The following PIK3R4 variants were observed in gnomAD, a reference collection of about 807,000 sequenced individuals.
The protein encoded by PIK3R4 is phosphoinositide-3-kinase regulatory subunit 4, also known as phosphoinositide 3-kinase regulatory subunit 4.
PIK3R4 carries 46 observed loss-of-function variants against 136.5 expected under a neutral mutation model. The ratio of observed to expected loss-of-function variants is 0.34; its 90% confidence interval spans 0.27 to 0.43. The LOEUF is 0.43. Ranked by LOEUF, PIK3R4 falls within the 20% of genes least tolerant of loss-of-function variation. The pLI is 1.00. For missense variants in PIK3R4, 1,331 were observed against 1,649.5 expected (o/e 0.81, Z 3.35); for synonymous variants, 557 against 566.7 (o/e 0.98, Z 0.24).
At position 130,686,291 on chromosome 3, in the gene PIK3R4, G is replaced by A. The variant is rs560895450; in HGVS notation, c.3395C>T (p.Ala1132Val). The A allele has an allele frequency of 1.5e-4, 236 of 1,613,288 alleles. 5 individuals are homozygous for A. The South Asian group carries it at 2.5e-3, about 17-fold the overall frequency. Residue 1132 changes from alanine (A) to valine (V), a missense_variant, in exon 15 of 20, where the codon GCG becomes GTG. Physicochemically the swap from Ala to Val is moderately conservative, Grantham distance 64 (BLOSUM62 0). Transcript: ENST00000356763. ...VGWDLRSSSN[A>V]WTLKHDLKSG... is the part of the protein sequence containing the mutation. ...CTTTAAATCATGCTTTAAAGTCCACGCATTGCTTGAAGACCTAAGGTCCCA... is the reference window on the plus strand; with the variant it reads ...CTTTAAATCATGCTTTAAAGTCCACACATTGCTTGAAGACCTAAGGTCCCA...
intron 9 of PIK3R4, among the ~76,000 whole-genome samples, chr3:130,713,097 T>C (rs905347058): frequency 2.6e-5 from 4 of 152,196 alleles, no homozygotes; most frequent in Non-Finnish European, 4.4e-5. Context: ...TTAAGGATAG[T>C]CAAAAATATG....
At chr3:130,716,240 A>G (rs1023400964) in intron 9 of PIK3R4, among the ~76,000 whole-genome samples, 156 bp downstream of exon 9, 2 of 152,242 alleles carry the variant, frequency 1.3e-5, no homozygotes, top group African/African-American at 4.8e-5. Context: ...TTTGTTTAGG[A>G]ATCAAAAGCA....
chr3:130,730,436 A>G lies in PIK3R4; in HGVS notation c.1457T>C (p.Ile486Thr). ...CAGAGCTGTTTCTGCCAGCAGAGCTATGTTTTCTATAAAATAAAAAGGAAG... is the reference window on the plus strand; with the variant it reads ...CAGAGCTGTTTCTGCCAGCAGAGCTGTGTTTTCTATAAAATAAAAAGGAAG... ...TIVRLAYAEN[I>T]ALLAETALRF... Residue 486 changes from isoleucine (I) to threonine (T), a missense_variant, in exon 5 of 20, where the codon ATA (isoleucine) becomes ACA (threonine). Physicochemically the swap from Ile to Thr is moderately conservative, Grantham distance 89. This residue lies in a region of PIK3R4 where 1,180 missense variants were observed against 1,407.0 expected (regional missense o/e 0.84). Coordinates refer to ENST00000356763, the MANE Select transcript of PIK3R4 (RefSeq NM_014602.3). The G allele has an allele frequency of 6.4e-7, 1 of 1,565,236 alleles. No homozygotes were observed. Among genetic ancestry groups the G allele is most frequent in the Non-Finnish European group, 8.6e-7 (1 of 1,163,364 alleles).
intron 13 of PIK3R4, among the ~76,000 whole-genome samples, chr3:130,697,878 T>A (rs960332566): frequency 6.6e-6 from 1 of 152,240 alleles, no homozygotes; most frequent in Admixed American, 6.5e-5. Context: ...CATTTCAGCA[T>A]AAAGGACTCC....
At chr3:130,740,431 T>C (rs2066815638) in intron 2 of PIK3R4, among the ~76,000 whole-genome samples, 1 of 152,114 alleles carries the variant, frequency 6.6e-6, no homozygotes, top group African/African-American at 2.4e-5. Flanking sequence ...TAACAGACTA[T>C]ACCTCATCTT....
chr3:130,735,018 T>C (rs72998249), intron 3 of PIK3R4, among the ~76,000 whole-genome samples: 2,331 of 152,308 alleles, frequency 0.015, 85 homozygotes, highest in African/African-American at 0.052. Context: ...TCAGAAAATG[T>C]ATGCCCAAAG....
intron 13 of PIK3R4, among the ~76,000 whole-genome samples, chr3:130,702,899 A>AT (rs1057426584): frequency 2.4e-4 from 36 of 152,236 alleles, no homozygotes; most frequent in African/African-American, 8.7e-4. Flanking sequence ...CCATTCTATA[A>AT]TTTTTTTACT....
intron 9 of PIK3R4, among the ~76,000 whole-genome samples, chr3:130,714,638 C>T (rs943127265): frequency 6.9e-6 from 1 of 145,938 alleles, no homozygotes; most frequent in African/African-American, 2.5e-5. Flanking sequence ...TGGTTTGTGT[C>T]GTTTCCCCCT....
At chr3:130,736,566 AGAGT>A (rs923887838) in intron 2 of PIK3R4, among the ~76,000 whole-genome samples, 1 of 152,186 alleles carries the variant, frequency 6.6e-6, no homozygotes, top group African/African-American at 2.4e-5. Context: ...CCTGGATGAC[AGAGT>A]GAGACTCCAT....
At position 130,700,321 on chromosome 3, in the gene PIK3R4, G is replaced by A. The variant is rs531250151; in HGVS notation, c.3098+3402C>T. ...TCATATTGTTTTAAGTTTTCACTGTGATAGAACTCCATTTAGATATTTTAC... is the reference window on the plus strand; with the variant it reads ...TCATATTGTTTTAAGTTTTCACTGTAATAGAACTCCATTTAGATATTTTAC... On this transcript the variant is annotated intron_variant, in intron 13 of 19. Transcript: ENST00000356763. 4.6e-5 allele frequency among the ~76,000 whole-genome samples: 7 copies of A among 152,238 alleles called. No individual in the cohort carries two copies. In the South Asian group the frequency reaches 8.3e-4, roughly 18 times the overall value.
intron 13 of PIK3R4, among the ~76,000 whole-genome samples, chr3:130,697,067 T>TC (rs996106285): frequency 4.9e-5 from 4 of 82,270 alleles, no homozygotes; most frequent in Non-Finnish European, 9.8e-5. Flanking sequence ...CTCCAGCTTT[T>TC]TTTTTTTTTT....
chr3:130,681,598 G>A lies in PIK3R4; in HGVS notation c.3608-7C>T, dbSNP rs1339797165. 1 of 1,548,120 alleles carries A rather than the reference G, an allele frequency of 6.5e-7. No homozygotes were observed. The highest frequency in any genetic ancestry group is 1.1e-5 in the South Asian group (1 of 88,908). On this transcript the variant is annotated splice_region_variant and splice_polypyrimidine_tract_variant and intron_variant, in intron 16 of 19. Coordinates refer to ENST00000356763, the MANE Select transcript of PIK3R4 (RefSeq NM_014602.3). ...TCGTTGTTGCCCTGAACAGCTAAAG[G>A]AAACAAAGGCCAGAATCTTGACTCA...
chr3:130,719,726 G>A (rs1010085257), intron 7 of PIK3R4, among the ~76,000 whole-genome samples: 2 of 152,102 alleles, frequency 1.3e-5, no homozygotes, highest in African/African-American at 4.8e-5. Flanking sequence ...TAACTTCCCT[G>A]TATCACACAA....
At chr3:130,730,270 C>A (rs192027116) in intron 5 of PIK3R4, 38 bp downstream of exon 5, 313 of 1,536,890 alleles carry the variant, frequency 2.0e-4, no homozygotes, top group Admixed American at 8.8e-4. Flanking sequence ...GCAATTCATT[C>A]TAAATAACAG....
chr3:130,712,512 T>C (rs1214869371), intron 9 of PIK3R4, among the ~76,000 whole-genome samples: 2 of 151,714 alleles, frequency 1.3e-5, no homozygotes, highest in Non-Finnish European at 2.9e-5. Context: ...CTACTAAAAA[T>C]ACAAAAGTAG....
intron 12 of PIK3R4, among the ~76,000 whole-genome samples, chr3:130,704,165 GA>G (rs1217143745): frequency 6.6e-6 from 1 of 152,124 alleles, no homozygotes; most frequent in Non-Finnish European, 1.5e-5. Flanking sequence ...GCAGTTACCT[GA>G]AAATGAAGGC....
intron 4 of PIK3R4, among the ~76,000 whole-genome samples, chr3:130,732,824 A>G (rs1158849032): frequency 6.6e-6 from 1 of 151,702 alleles, no homozygotes; most frequent in Non-Finnish European, 1.5e-5. Flanking sequence ...TCATTACCAC[A>G]CACGTACTAT....
intron 1 of PIK3R4, among the ~76,000 whole-genome samples, chr3:130,745,759 C>G (rs773507774): frequency 2.0e-5 from 3 of 152,190 alleles, no homozygotes; most frequent in Non-Finnish European, 4.4e-5. Context: ...CGCGGTGGCT[C>G]ACGCCTGTAA....
In PIK3R4 at chr3:130,705,755, G is replaced by A; in HGVS notation, c.2738C>T (p.Thr913Ile). 3 of 1,603,056 alleles carry A rather than the reference G, an allele frequency of 1.9e-6. No homozygotes were observed. The highest frequency in any genetic ancestry group is 2.6e-6 in the Non-Finnish European group (3 of 1,170,066). Residue 913 changes from threonine to isoleucine, a missense_variant, in exon 12 of 20, where the codon ACT (threonine) becomes ATT (isoleucine). Thr to Ile is a moderately conservative substitution (Grantham distance 89). Transcript: ENST00000356763. ...TATTACTGGTTTTTTATTTTGGACA[G>A]TTGTCACTTCTGGAACCTACAAAAC... ...STSSQVPEVT[T>I]VQNKKPVIPV...
Sources: allele counts gnomAD v4.1 joint callset (sites outside exome capture counted in the v4.1 genomes callset), GRCh38; gene constraint gnomAD v4.1.1; regional missense constraint gnomAD v4.1.1; transcripts MANE v1.5; gene names NCBI Gene and HGNC (gene_info 2026-07-23, HGNC 2026-07-21).